SLC14A2: variants seen among roughly 807,000 people sequenced by gnomAD.
SLC14A2 encodes urea transporter 2.
In SLC14A2, 91 loss-of-function variants were observed where a neutral mutation model predicts 104.6. The ratio of observed to expected loss-of-function variants is 0.87; its 90% CI spans 0.73 to 1.04. SLC14A2 has a LOEUF of 1.04. Among genes scored for constraint, SLC14A2 ranks in the 50% least tolerant of loss-of-function variants. The pLI is 0.00. For synonymous variants in SLC14A2, 476 were observed against 466.4 expected, an observed-to-expected ratio of 1.02 and a Z score of -0.27; for missense variants, 1,189 against 1,156.0, an observed-to-expected ratio of 1.03 and a Z score of -0.41.
chr18:45,260,668 A>G (rs968708536), intron 1 of SLC14A2, among the ~76,000 whole-genome samples: 1 of 152,188 alleles, frequency 6.6e-6, no homozygotes, highest in East Asian at 1.9e-4. Flanking sequence ...AGCAACATGG[A>G]TGCAGCTGGA....
chr18:45,611,844 T>A (rs749915258), upstream of SLC14A2, among the ~76,000 whole-genome samples: 15 of 152,192 alleles, frequency 9.9e-5, no homozygotes, highest in Non-Finnish European at 1.3e-4. Context: ...CACCCCATCA[T>A]GAGATTGATT....
intron 2 of SLC14A2, among the ~76,000 whole-genome samples, chr18:45,568,065 T>C (rs1414043840): frequency 2.0e-5 from 3 of 152,160 alleles, no homozygotes; most frequent in African/African-American, 7.2e-5. Flanking sequence ...CAAACATTCA[T>C]GAAAGTGCCC....
intron 2 of SLC14A2, among the ~76,000 whole-genome samples, chr18:45,569,141 C>G (rs1269025174): frequency 6.6e-6 from 1 of 152,186 alleles, no homozygotes; most frequent in African/African-American, 2.4e-5. Flanking sequence ...AATTTCACCC[C>G]TCATGCCCCA....
chr18:45,571,152 A>G (rs1216039658), intron 2 of SLC14A2, among the ~76,000 whole-genome samples: 1 of 152,240 alleles, frequency 6.6e-6, no homozygotes, highest in Non-Finnish European at 1.5e-5. Flanking sequence ...AGGAGGAGGA[A>G]GCCAGTACTG....
At chr18:45,389,871 A>T (rs966045523) in intron 1 of SLC14A2, among the ~76,000 whole-genome samples, 1 of 152,182 alleles carries the variant, frequency 6.6e-6, no homozygotes, top group African/African-American at 2.4e-5. Context: ...TTGCATTTTG[A>T]TGGATATCCA....
intron 1 of SLC14A2, among the ~76,000 whole-genome samples, chr18:45,254,356 T>A (rs2084453727): frequency 6.6e-6 from 1 of 152,154 alleles, no homozygotes; most frequent in Admixed American, 6.5e-5. Context: ...TGAAGACAAG[T>A]CCTGGACACA....
At chr18:45,539,195 C>CAGGGA (rs2043847098) in intron 2 of SLC14A2, among the ~76,000 whole-genome samples, 1 of 3,584 alleles carries the variant, frequency 2.8e-4, no homozygotes, top group African/African-American at 9.9e-4. Context: ...AGGTGGGAAT[C>CAGGGA]TTCAGACAGA....
intron 1 of SLC14A2, among the ~76,000 whole-genome samples, chr18:45,341,595 CTTTTT>C (rs376534367): frequency 3.9e-3 from 325 of 83,130 alleles, no homozygotes; most frequent in Middle Eastern, 0.034. Flanking sequence ...TCTAGTATTA[CTTTTT>C]TTTTTTTTTT....
At chr18:45,320,789 G>A (rs767169531) in intron 1 of SLC14A2, among the ~76,000 whole-genome samples, 1 of 152,038 alleles carries the variant, frequency 6.6e-6, no homozygotes, top group Non-Finnish European at 1.5e-5. Context: ...ACAGTGGCTG[G>A]CCCAAGAACC....
intron 2 of SLC14A2, among the ~76,000 whole-genome samples, chr18:45,533,439 G>C: frequency 6.6e-6 from 1 of 152,190 alleles, no homozygotes; most frequent in East Asian, 1.9e-4. Context: ...GAGTGTGTGT[G>C]TCGAGGAATT....
intron 1 of SLC14A2, among the ~76,000 whole-genome samples, chr18:45,314,373 C>A (rs538399684): frequency 6.6e-6 from 1 of 152,292 alleles, no homozygotes. Flanking sequence ...AGAGATTGTG[C>A]CTGTCCTCAG....
chr18:45,213,872 C>T (rs1320162381), intron 1 of SLC14A2, among the ~76,000 whole-genome samples: 3 of 152,162 alleles, frequency 2.0e-5, no homozygotes, highest in Admixed American at 6.6e-5. Flanking sequence ...CAGATCTCTG[C>T]CAGGGCCCAG....
intron 18 of SLC14A2, among the ~76,000 whole-genome samples, chr18:45,678,749 T>C (rs1307892698): frequency 6.6e-6 from 1 of 152,236 alleles, no homozygotes; most frequent in Non-Finnish European, 1.5e-5. Context: ...AGCTCAATTC[T>C]GGCCCTTTTT....
At chr18:45,305,963 T>C (rs2085017143) in intron 1 of SLC14A2, among the ~76,000 whole-genome samples, 1 of 152,236 alleles carries the variant, frequency 6.6e-6, no homozygotes, top group Non-Finnish European at 1.5e-5. Context: ...GCATATTAAA[T>C]CTTCAATTAA....
chr18:45,326,346 G>C (rs1028182241), intron 1 of SLC14A2, among the ~76,000 whole-genome samples: 1 of 152,004 alleles, frequency 6.6e-6, no homozygotes, highest in Admixed American at 6.6e-5. Flanking sequence ...TCTCTTGGTG[G>C]CACCTCCTTT....
intron 1 of SLC14A2, among the ~76,000 whole-genome samples, chr18:45,344,387 G>A (rs923769299): frequency 1.4e-4 from 21 of 148,656 alleles, no homozygotes; most frequent in Non-Finnish European, 3.0e-4. Flanking sequence ...CCCAAGTTCC[G>A]CTGGCTGGCT....
chr18:45,315,304 G>A, intron 1 of SLC14A2, among the ~76,000 whole-genome samples: 1 of 152,154 alleles, frequency 6.6e-6, no homozygotes, highest in East Asian at 1.9e-4. Context: ...TGGTCTAATT[G>A]GAAAGGTCAT....
intron 2 of SLC14A2, among the ~76,000 whole-genome samples, chr18:45,605,384 T>A (rs1161480501): frequency 6.6e-6 from 1 of 152,100 alleles, no homozygotes; most frequent in Non-Finnish European, 1.5e-5. Flanking sequence ...TATAACCCCC[T>A]CTGGAGAAGA....
At chr18:45,413,016 T>G (rs1568189077) in intron 1 of SLC14A2, among the ~76,000 whole-genome samples, 1 of 152,206 alleles carries the variant, frequency 6.6e-6, no homozygotes, top group African/African-American at 2.4e-5. Context: ...GAAACCATCT[T>G]AAGGTTGTCC....
Sources: allele counts gnomAD v4.1 joint callset (sites outside exome capture counted in the v4.1 genomes callset), GRCh38; gene constraint gnomAD v4.1.1; transcripts MANE v1.5; gene names NCBI Gene and HGNC (gene_info 2026-07-23, HGNC 2026-07-21).